ARL5B: variants seen among roughly 807,000 people sequenced by gnomAD.
The protein encoded by ARL5B is ADP-ribosylation factor-like protein 5B.
In ARL5B, 10 loss-of-function variants were observed where a neutral mutation model predicts 26.9. The ratio of observed to expected loss-of-function variants is 0.37; its 90% CI spans 0.23 to 0.63. ARL5B has a LOEUF of 0.63. Among genes scored for constraint, ARL5B ranks in the 30% least tolerant of loss-of-function variants. ARL5B has a pLI of 0.62. For missense variants in ARL5B, 167 were observed against 213.9 expected, an observed-to-expected ratio of 0.78 and a Z score of 1.37; for synonymous variants, 87 against 70.4, an observed-to-expected ratio of 1.24 and a Z score of -1.18.
chr10:18,669,891 G>A (rs1393853180), intron 3 of ARL5B, among the ~76,000 whole-genome samples: 1 of 151,462 alleles, frequency 6.6e-6, no homozygotes, highest in African/African-American at 2.4e-5. Flanking sequence ...CTACTCAGGA[G>A]GCTGAGGCAG....
At chr10:18,660,905 T>G (rs1404076105) in intron 1 of ARL5B, among the ~76,000 whole-genome samples, 2 of 152,210 alleles carry the variant, frequency 1.3e-5, no homozygotes, top group Non-Finnish European at 2.9e-5. Context: ...TTCAGTGCAG[T>G]GGCGCAATCT....
At chr10:18,660,352 T>C (rs2059825949) in intron 1 of ARL5B, among the ~76,000 whole-genome samples, 1 of 152,126 alleles carries the variant, frequency 6.6e-6, no homozygotes, top group African/African-American at 2.4e-5. Context: ...GCCGAGAAGT[T>C]GCAAAACCTG....
At position 18,661,891 on chromosome 10, in the gene ARL5B, T is replaced by C. The variant is rs77562832; in HGVS notation, c.46+2208T>C. Among the ~76,000 whole-genome samples the C allele has an allele frequency of 3.4e-4, 52 of 152,224 alleles. No individual in the cohort carries two copies. In the East Asian group the frequency reaches 9.1e-3, roughly 27 times the overall value. On this transcript the variant is annotated intron_variant, in intron 1 of 5. Transcript: ENST00000377275. Reference sequence around the variant, plus strand: ...CTGAAAATAGTTGAGCTTGGCTGTGTGTTAGTTTGCTTGCGAGGAGTGAAG... The same window carrying C: ...CTGAAAATAGTTGAGCTTGGCTGTGCGTTAGTTTGCTTGCGAGGAGTGAAG...
intron 1 of ARL5B, among the ~76,000 whole-genome samples, chr10:18,664,780 C>A (rs2059853654): frequency 6.6e-6 from 1 of 152,076 alleles, no homozygotes; most frequent in Non-Finnish European, 1.5e-5. Context: ...TGTTAGGGAC[C>A]TACCTTTCAA....
rs2059916303 is a variant in ARL5B at position 18,677,730 on chromosome 10, A to G, written c.*2514A>G. ...AGTGCCTTTATTCATATTTTGAAAT[A>G]AGTTCTTAGTTTTATATTATACCTG... is the stretch of plus-strand genomic sequence containing the variant. On this transcript the variant is annotated 3_prime_UTR_variant, in exon 6 of 6. Coordinates refer to ENST00000377275, the MANE Select transcript of ARL5B (RefSeq NM_178815.5). The G allele has an allele frequency of 6.6e-6, 1 of 152,270 alleles. No individual in the cohort carries two copies. The highest frequency in any genetic ancestry group is 2.1e-4 in the South Asian group (1 of 4,832). 9.4% of individuals were successfully genotyped at this position (152,270 alleles called of 1,614,324 possible).
At position 18,659,527 on chromosome 10, in the gene ARL5B, C is replaced by T; in HGVS notation, c.-111C>T. Reference sequence around the variant, plus strand: ...TCTCGGCCTAGCAGTGCCCTCGCTGCGCGATCTCAGGCGGGTTCTCCTCGG... The same window carrying T: ...TCTCGGCCTAGCAGTGCCCTCGCTGTGCGATCTCAGGCGGGTTCTCCTCGG... On this transcript the variant is annotated 5_prime_UTR_variant, in exon 1 of 6. Transcript: ENST00000377275. 2.9e-6 allele frequency: 4 copies of T among 1,371,572 alleles called. No individual in the cohort carries two copies. The highest frequency in any genetic ancestry group is 2.9e-6 in the Non-Finnish European group (3 of 1,037,756). The allele number at this position is 1,371,572 out of a possible 1,614,324, so 85.0% of individuals were successfully genotyped here.
rs144877205 is a variant in ARL5B at position 18,665,878 on chromosome 10, T to A, written c.47-697T>A. ...TATACCACTTAACGGAATAATTAGA[T>A]GAGCTTTAGCAACTACTTATTAAAA... On this transcript the variant is annotated intron_variant, in intron 1 of 5. Transcript: ENST00000377275. Among the ~76,000 whole-genome samples the A allele has an allele frequency of 1.7e-3, 259 of 152,312 alleles. 1 individual carries two copies. Among genetic ancestry groups the A allele is most frequent in the African/African-American group, 5.9e-3 (247 of 41,578 alleles).
chr10:18,659,747 A>T (rs929020396), intron 1 of ARL5B, 64 bp downstream of exon 1: 3 of 1,588,806 alleles, frequency 1.9e-6, no homozygotes, highest in Non-Finnish European at 2.6e-6. Flanking sequence ...GCCGATGGGG[A>T]CACCGGAGAC....
chr10:18,659,457 G>A lies in ARL5B; in HGVS notation c.-181G>A, dbSNP rs2059815410. ...GTGGGCTCGAAACAAAGGGCTGTCC[G>A]GTGGGGATTCGTCGCGGCGCCTTCT... On this transcript the variant is annotated 5_prime_UTR_variant, in exon 1 of 6. Coordinates refer to ENST00000377275, the MANE Select transcript of ARL5B (RefSeq NM_178815.5). The A allele has an allele frequency of 2.7e-6, 2 of 739,790 alleles. No homozygotes were observed. Among genetic ancestry groups the A allele is most frequent in the African/African-American group, 1.9e-5 (1 of 52,918 alleles). 45.8% of individuals were successfully genotyped at this position (739,790 alleles called of 1,614,324 possible).
In ARL5B at chr10:18,668,609, C is replaced by T. The variant is rs1273232468; in HGVS notation, c.187C>T (p.Leu63Phe). Residue 63 changes from leucine (L) to phenylalanine (F), a missense_variant, in exon 3 of 6, where the codon CTT (leucine) becomes TTT (phenylalanine). Leu to Phe is a conservative substitution (Grantham distance 22). Transcript: ENST00000377275. ...EEIVVKNTHF[L>F]MWDIGGQESL... is the part of the protein sequence containing the mutation. ...AATAGTTGTGAAGAACACTCATTTT[C>T]TTATGTGGGATATTGGTGGTCAGGA... 2 of 1,614,066 alleles carry T rather than the reference C, an allele frequency of 1.2e-6. No individual in the cohort carries two copies. The highest frequency in any genetic ancestry group is 2.2e-5 in the East Asian group (1 of 44,872).
At chr10:18,661,761 G>C (rs1180931343) in intron 1 of ARL5B, among the ~76,000 whole-genome samples, 1 of 152,208 alleles carries the variant, frequency 6.6e-6, no homozygotes, top group African/African-American at 2.4e-5. Context: ...GTAGGAATTT[G>C]GGTGGCATGC....
chr10:18,671,415 C>T (rs561858543), intron 3 of ARL5B, among the ~76,000 whole-genome samples: 5 of 152,034 alleles, frequency 3.3e-5, no homozygotes, highest in Non-Finnish European at 2.9e-5. Context: ...GTGATATGCC[C>T]ACCTCGGCCT....
At chr10:18,667,142 T>C (rs1348234032) in intron 2 of ARL5B, among the ~76,000 whole-genome samples, 2 of 152,230 alleles carry the variant, frequency 1.3e-5, no homozygotes, top group African/African-American at 4.8e-5. Flanking sequence ...TCACAGCTCA[T>C]CATTCCACTT....
At chr10:18,672,087 A>G (rs898399751) in intron 3 of ARL5B, among the ~76,000 whole-genome samples, 4 of 152,174 alleles carry the variant, frequency 2.6e-5, no homozygotes, top group African/African-American at 9.7e-5. Context: ...GCCTAAGTAT[A>G]TATGTTTCAA....
At chr10:18,666,383 C>T (rs1279447937) in intron 1 of ARL5B, among the ~76,000 whole-genome samples, 192 bp from the exon 2 acceptor site, 1 of 152,216 alleles carries the variant, frequency 6.6e-6, no homozygotes, top group African/African-American at 2.4e-5. Context: ...GACAGAGAAT[C>T]AATGATAATT....
rs897607640 is a variant in ARL5B at position 18,659,578 on chromosome 10, G to C, written c.-60G>C. On this transcript the variant is annotated 5_prime_UTR_variant, in exon 1 of 6. Coordinates refer to ENST00000377275, the MANE Select transcript of ARL5B (RefSeq NM_178815.5). ...CTCCGCGCAGCCCGCGCCGCGGTGG[G>C]GGACCCGGCGCAGCGGCACCTGCTG... The C allele has an allele frequency of 6.5e-6, 10 of 1,546,756 alleles. No individual in the cohort carries two copies. Among genetic ancestry groups the C allele is most frequent in the Non-Finnish European group, 8.7e-6 (10 of 1,148,370 alleles).
Position 18,675,386 on chromosome 10 carries a change from C to A in ARL5B, c.*170C>A. 4.2e-6 allele frequency: 2 copies of A among 481,514 alleles called. No homozygotes were observed. Among genetic ancestry groups the A allele is most frequent in the Non-Finnish European group, 3.7e-6 (1 of 272,678 alleles). 29.8% of individuals were successfully genotyped at this position (481,514 alleles called of 1,614,324 possible). Reference sequence around the variant, plus strand: ...TGGAACATAAAAGATTTTTTCTTAACTTTTTTTTTTTAACACACTAATCTT... The same window carrying A: ...TGGAACATAAAAGATTTTTTCTTAAATTTTTTTTTTTAACACACTAATCTT... On this transcript the variant is annotated 3_prime_UTR_variant, in exon 6 of 6. Coordinates refer to ENST00000377275, the MANE Select transcript of ARL5B (RefSeq NM_178815.5).
Position 18,666,569 on chromosome 10 carries a change from T to C in ARL5B, c.47-6T>C. On this transcript the variant is annotated splice_region_variant and splice_polypyrimidine_tract_variant and intron_variant, in intron 1 of 5. Transcript: ENST00000377275. ...TAAATGTTTATGATTTGCTTTCTTTTTGTAGAACACAAAGTAATTATAGTG... is the reference window on the plus strand; with the variant it reads ...TAAATGTTTATGATTTGCTTTCTTTCTGTAGAACACAAAGTAATTATAGTG... 6.2e-7 allele frequency: 1 copy of C among 1,603,204 alleles called. No individual in the cohort carries two copies. Among genetic ancestry groups the C allele is most frequent in the Non-Finnish European group, 8.5e-7 (1 of 1,175,350 alleles).
At chr10:18,668,768 GC>G (rs1385581872) in intron 3 of ARL5B, 91 bp downstream of exon 3, 5 of 1,188,038 alleles carry the variant, frequency 4.2e-6, no homozygotes, top group Non-Finnish European at 4.4e-6. Flanking sequence ...ATTGACAGTT[GC>G]CTTTTTTTTT....
Sources: allele counts gnomAD v4.1 joint callset (sites outside exome capture counted in the v4.1 genomes callset), GRCh38; gene constraint gnomAD v4.1.1; transcripts MANE v1.5; gene names NCBI Gene and HGNC (gene_info 2026-07-23, HGNC 2026-07-21).